BCAS3: variants seen among roughly 807,000 people sequenced by gnomAD.
BCAS3 encodes BCAS4/BCAS3 fusion.
Under a neutral mutation model 116.1 loss-of-function variants are expected in BCAS3, and 53 were observed. The observed-to-expected ratio is 0.46, with a 90% CI of 0.37 to 0.57. The LOEUF (loss-of-function observed/expected upper bound fraction) is 0.57. BCAS3 is among the 20% of genes least tolerant of loss of function. The pLI, the probability that BCAS3 is intolerant of heterozygous loss-of-function variation, is 0.00. For missense variants in BCAS3, 917 were observed against 1,165.4 expected (o/e 0.79, Z 3.10); for synonymous variants, 391 against 408.2 (o/e 0.96, Z 0.51).
intron 22 of BCAS3, among the ~76,000 whole-genome samples, chr17:61,108,095 C>G (rs2074791544): frequency 6.6e-6 from 1 of 152,086 alleles, no homozygotes; most frequent in Non-Finnish European, 1.5e-5. Context: ...TGTTTTGTAG[C>G]TCTGTTTTTA....
intron 6 of BCAS3, among the ~76,000 whole-genome samples, chr17:60,751,291 A>T (rs753149785): frequency 5.9e-5 from 9 of 152,208 alleles, no homozygotes; most frequent in Non-Finnish European, 1.0e-4. Context: ...ACAATATTCC[A>T]GAAAGCTATG....
In BCAS3 at chr17:61,139,649, A is replaced by G. The variant is rs1568435410; in HGVS notation, c.2425+55085A>G. Among the ~76,000 whole-genome samples the G allele has an allele frequency of 6.6e-6, 1 of 152,238 alleles. No homozygotes were observed. The highest frequency in any genetic ancestry group is 2.4e-5 in the African/African-American group (1 of 41,468). Reference sequence around the variant, plus strand: ...GTTTCCTAGAACTCATACATGCAGTATAGTTCAGTGCGATTAAAAGTCATC... The same window carrying G: ...GTTTCCTAGAACTCATACATGCAGTGTAGTTCAGTGCGATTAAAAGTCATC... On this transcript the variant is annotated intron_variant, in intron 22 of 23. Coordinates refer to ENST00000407086, the MANE Select transcript of BCAS3 (RefSeq NM_017679.5). The surrounding 1 kb of genome is among the most constrained non-coding windows in gnomAD (Gnocchi z 4.7).
In BCAS3 at chr17:60,871,320, C is replaced by T. The variant is rs149269661; in HGVS notation, c.584+2637C>T. 2.1e-3 allele frequency among the ~76,000 whole-genome samples: 315 copies of T among 152,212 alleles called. 1 individual carries two copies. Among genetic ancestry groups the T allele is most frequent in the African/African-American group, 6.9e-3 (288 of 41,530 alleles). On this transcript the variant is annotated intron_variant, in intron 8 of 23. Transcript: ENST00000407086. ...CTGGAACTGCAGGCATGTGCCACCACGCCTGGCTAATTTTTTTTAACATTT... is the reference window on the plus strand; with the variant it reads ...CTGGAACTGCAGGCATGTGCCACCATGCCTGGCTAATTTTTTTTAACATTT...
At chr17:60,706,126 G>A (rs756521637) in intron 4 of BCAS3, among the ~76,000 whole-genome samples, 3 of 150,782 alleles carry the variant, frequency 2.0e-5, no homozygotes, top group Non-Finnish European at 4.4e-5. Flanking sequence ...GCAGTGGTGT[G>A]ATCTCGGCTC....
rs188961432 is a variant in BCAS3 at position 61,381,963 on chromosome 17, C to T, written c.2594-10014C>T. Reference sequence around the variant, plus strand: ...TTGGTCTCTGGGTAGCAGCCACAGCCGCAATAAGTCATTAACTTTCAGGAC... The same window carrying T: ...TTGGTCTCTGGGTAGCAGCCACAGCTGCAATAAGTCATTAACTTTCAGGAC... On this transcript the variant is annotated intron_variant, in intron 23 of 23. Coordinates refer to ENST00000407086, the MANE Select transcript of BCAS3 (RefSeq NM_017679.5). This position sits in a 1 kb window ranked among gnomAD's most constrained non-coding sequence, Gnocchi z 6.0. Among the ~76,000 whole-genome samples the T allele has an allele frequency of 2.6e-5, 4 of 152,260 alleles. No individual in the cohort carries two copies. The highest frequency in any genetic ancestry group is 1.9e-4 in the East Asian group (1 of 5,154).
intron 7 of BCAS3, among the ~76,000 whole-genome samples, chr17:60,853,983 G>A (rs375898138): frequency 6.6e-6 from 1 of 152,024 alleles, no homozygotes; most frequent in African/African-American, 2.4e-5. Context: ...CACACGCCAT[G>A]TTGGTGTGCT....
At chr17:61,245,480 G>A (rs1449791715) in intron 22 of BCAS3, 3 of 151,836 alleles carry the variant, frequency 2.0e-5, no homozygotes, top group Non-Finnish European at 4.4e-5. Context: ...CCCCCGAGAA[G>A]CTGGTACTAC....
At chr17:61,146,331 T>G (rs2077209644) in intron 22 of BCAS3, among the ~76,000 whole-genome samples, 1 of 151,530 alleles carries the variant, frequency 6.6e-6, no homozygotes, top group African/African-American at 2.4e-5. Flanking sequence ...TTGCCCAGGC[T>G]GGTCTCGAAC....
At chr17:60,738,789 T>C (rs989458145) in intron 5 of BCAS3, among the ~76,000 whole-genome samples, 1 of 152,162 alleles carries the variant, frequency 6.6e-6, no homozygotes, top group Non-Finnish European at 1.5e-5. Flanking sequence ...AGGGTCTTGG[T>C]CTTCTGCCCA....
At chr17:61,375,700 G>A (rs1183658155) in intron 23 of BCAS3, among the ~76,000 whole-genome samples, 2 of 151,860 alleles carry the variant, frequency 1.3e-5, no homozygotes, top group Non-Finnish European at 2.9e-5. Context: ...AGCCTCCTGG[G>A]TAGCGTGGAT....
At chr17:61,297,604 G>A (rs547181183) in intron 22 of BCAS3, among the ~76,000 whole-genome samples, 2 of 152,266 alleles carry the variant, frequency 1.3e-5, no homozygotes, top group African/African-American at 4.8e-5. Context: ...AAGCAAAGGG[G>A]CAAAACTGCA....
chr17:60,769,328 A>G (rs1327436632), intron 6 of BCAS3, among the ~76,000 whole-genome samples: 2 of 151,748 alleles, frequency 1.3e-5, no homozygotes, highest in Non-Finnish European at 2.9e-5. Flanking sequence ...GAGTGAGGCC[A>G]CTCTTAGTGG....
chr17:60,811,260 A>G, intron 7 of BCAS3: 1 of 906,734 alleles, frequency 1.1e-6, no homozygotes, highest in Non-Finnish European at 1.7e-6. Flanking sequence ...CAGGAGTAGG[A>G]GGCCCTGCTG....
Position 61,249,236 on chromosome 17 carries a change from G to A in BCAS3, c.2426-119091G>A, listed in dbSNP as rs191118600. Among the ~76,000 whole-genome samples the A allele has an allele frequency of 3.9e-4, 59 of 151,534 alleles. 1 individual carries two copies. The highest frequency in any genetic ancestry group is 1.3e-3 in the African/African-American group (55 of 41,282). On this transcript the variant is annotated intron_variant, in intron 22 of 23. Coordinates refer to ENST00000407086, the MANE Select transcript of BCAS3 (RefSeq NM_017679.5). The surrounding 1 kb of genome is among the most constrained non-coding windows in gnomAD (Gnocchi z 6.2). ...CAGGAGGCAGAGGCTGCAGTGAGCC[G>A]AGATCACACCACTGCACTCCAGCCT...
intron 22 of BCAS3, among the ~76,000 whole-genome samples, chr17:61,230,348 T>C (rs2082603110): frequency 6.6e-6 from 1 of 152,140 alleles, no homozygotes; most frequent in Non-Finnish European, 1.5e-5. Flanking sequence ...AATTTTTTTC[T>C]CAACTTTTAG....
chr17:60,847,600 C>T (rs1025873832), intron 7 of BCAS3, among the ~76,000 whole-genome samples: 5 of 152,132 alleles, frequency 3.3e-5, no homozygotes, highest in Admixed American at 2.0e-4. Context: ...TGATGTTGAG[C>T]ATCCTTTGTG....
At position 61,286,638 on chromosome 17, in the gene BCAS3, A is replaced by T. The variant is rs1452375707; in HGVS notation, c.2426-81689A>T. On this transcript the variant is annotated intron_variant, in intron 22 of 23. Transcript: ENST00000407086. This position sits in a 1 kb window ranked among gnomAD's most constrained non-coding sequence, Gnocchi z 4.8. ...TGTGGGCACGCTGTTAGCAGGGCTA[A>T]GTTAAATACTCGCTTTACACCGTTG... Among the ~76,000 whole-genome samples the T allele has an allele frequency of 1.3e-5, 2 of 152,156 alleles. No individual in the cohort carries two copies. Among genetic ancestry groups the T allele is most frequent in the African/African-American group, 4.8e-5 (2 of 41,432 alleles).
At chr17:60,928,546 C>T (rs2059480592) in intron 13 of BCAS3, among the ~76,000 whole-genome samples, 1 of 152,178 alleles carries the variant, frequency 6.6e-6, no homozygotes, top group Non-Finnish European at 1.5e-5. Context: ...ACCACTCATA[C>T]AGTTGGTTTG....
In BCAS3 at chr17:61,343,341, G is replaced by A. The variant is rs2057307676; in HGVS notation, c.2426-24986G>A. Among the ~76,000 whole-genome samples the A allele has an allele frequency of 6.6e-6, 1 of 152,224 alleles. No homozygotes were observed. The highest frequency in any genetic ancestry group is 2.4e-5 in the African/African-American group (1 of 41,458). On this transcript the variant is annotated intron_variant, in intron 22 of 23. Coordinates refer to ENST00000407086, the MANE Select transcript of BCAS3 (RefSeq NM_017679.5). The surrounding 1 kb of genome is among the most constrained non-coding windows in gnomAD (Gnocchi z 5.5). ...GCTTCTGAATGGAGAGAATTACACA[G>A]GTCTCCGTCCTGTTCTCTAAGTACC...
Sources: allele counts gnomAD v4.1 joint callset (sites outside exome capture counted in the v4.1 genomes callset), GRCh38; gene constraint gnomAD v4.1.1; non-coding constraint Gnocchi (gnomAD v3.1); transcripts MANE v1.5; gene names NCBI Gene and HGNC (gene_info 2026-07-23, HGNC 2026-07-21).